The following TNIK variants were observed in gnomAD, a reference collection of about 807,000 sequenced individuals.
The protein encoded by TNIK is TRAF2 and NCK-interacting protein kinase.
A neutral mutation model predicts 191.3 loss-of-function variants in TNIK; 49 were observed. The ratio of observed to expected loss-of-function variants is 0.26; its 90% CI spans 0.20 to 0.32. TNIK has a LOEUF of 0.32. Among genes scored for constraint, TNIK ranks in the 10% least tolerant of loss-of-function variants. The probability of loss-of-function intolerance (pLI) is 1.00; values close to 1 mark genes in which losing one functional copy is unlikely to be tolerated. For missense variants in TNIK, 1,155 were observed against 1,702.3 expected, an observed-to-expected ratio of 0.68 and a Z score of 5.66; for synonymous variants, 594 against 600.9, an observed-to-expected ratio of 0.99 and a Z score of 0.17.
At chr3:171,414,873 ACT>A (rs527894874) in intron 1 of TNIK, among the ~76,000 whole-genome samples, 253 of 152,090 alleles carry the variant, frequency 1.7e-3, no homozygotes, top group African/African-American at 5.9e-3. Flanking sequence ...CTCAGTTGAA[ACT>A]CTGTTTTTAA....
intron 2 of TNIK, among the ~76,000 whole-genome samples, chr3:171,362,279 T>G (rs1715097163): frequency 6.6e-6 from 1 of 152,206 alleles, no homozygotes; most frequent in African/African-American, 2.4e-5. Flanking sequence ...TATCACCAAA[T>G]ACAATGTAAG....
chr3:171,429,068 C>T (rs1412351829), intron 1 of TNIK, among the ~76,000 whole-genome samples: 1 of 152,154 alleles, frequency 6.6e-6, no homozygotes, highest in Non-Finnish European at 1.5e-5. Context: ...CCACCTGTCT[C>T]CCAAGCTCCA....
intron 1 of TNIK, among the ~76,000 whole-genome samples, chr3:171,428,918 C>T (rs1367174743): frequency 6.6e-6 from 1 of 152,200 alleles, no homozygotes; most frequent in Non-Finnish European, 1.5e-5. Context: ...CCTGAAGCTA[C>T]ACTGCCAAGA....
intron 29 of TNIK, among the ~76,000 whole-genome samples, chr3:171,070,542 A>G (rs977547721): frequency 2.1e-4 from 32 of 152,130 alleles, no homozygotes; most frequent in African/African-American, 7.5e-4. Flanking sequence ...GCGGCTCTGA[A>G]CACATCTGGG....
intron 2 of TNIK, among the ~76,000 whole-genome samples, chr3:171,273,266 G>C (rs1407537951): frequency 1.3e-5 from 2 of 152,206 alleles, no homozygotes; most frequent in Non-Finnish European, 2.9e-5. Flanking sequence ...GGTGAGTCTG[G>C]AGGTTCAATC....
intron 7 of TNIK, among the ~76,000 whole-genome samples, chr3:171,182,184 T>C (rs1372249208): frequency 6.7e-6 from 1 of 148,424 alleles, no homozygotes; most frequent in African/African-American, 2.5e-5. Context: ...TTTTTTTTTT[T>C]TTTTTTTTTT....
At chr3:171,206,265 T>A (rs1239956499) in intron 4 of TNIK, among the ~76,000 whole-genome samples, 2 of 150,184 alleles carry the variant, frequency 1.3e-5, no homozygotes, top group African/African-American at 2.4e-5. Flanking sequence ...GATGATATGA[T>A]AATATATACA....
Position 171,108,078 on chromosome 3 carries a change from G to T in TNIK, c.2369C>A (p.Pro790His). ...KPEESRDITR[P>H]SRPASYKKAI... Reference sequence around the variant, plus strand: ...AAAAGCACTCACAGCTGGTCGACTGGGCCGGGTAATGTCCCTGGATTCTTC... The same window carrying T: ...AAAAGCACTCACAGCTGGTCGACTGTGCCGGGTAATGTCCCTGGATTCTTC... The change falls in exon 20 of 33, where the codon CCC becomes CAC. Residue 790 changes from proline to histidine, a missense_variant. Physicochemically the swap from Pro to His is moderately conservative, Grantham distance 77. Coordinates refer to ENST00000436636, the MANE Select transcript of TNIK (RefSeq NM_015028.4). 6.4e-7 allele frequency: 1 copy of T among 1,567,374 alleles called. No individual in the cohort carries two copies. Among genetic ancestry groups the T allele is most frequent in the African/African-American group, 1.4e-5 (1 of 74,056 alleles).
chr3:171,099,159 A>G (rs1723110430), intron 22 of TNIK, among the ~76,000 whole-genome samples: 1 of 152,082 alleles, frequency 6.6e-6, no homozygotes, highest in African/African-American at 2.4e-5. Context: ...CCCTTTTCAA[A>G]TCGTCTTGCT....
At chr3:171,381,799 T>G (rs938804675) in intron 1 of TNIK, among the ~76,000 whole-genome samples, 1 of 152,240 alleles carries the variant, frequency 6.6e-6, no homozygotes, top group Admixed American at 6.5e-5. Context: ...AGGGTTCTTC[T>G]GTCTTCCTCC....
At chr3:171,088,756 C>T (rs1222985336) in intron 23 of TNIK, among the ~76,000 whole-genome samples, 1 of 152,172 alleles carries the variant, frequency 6.6e-6, no homozygotes, top group Non-Finnish European at 1.5e-5. Flanking sequence ...AGCCAGTGCC[C>T]ACATTGTAGG....
chr3:171,175,168 G>T, intron 9 of TNIK, 84 bp downstream of exon 9: 2 of 1,272,352 alleles, frequency 1.6e-6, no homozygotes, highest in Non-Finnish European at 2.2e-6. Flanking sequence ...CTATCAGCAG[G>T]ACCTAGGGAT....
At chr3:171,329,011 G>A (rs1756115570) in intron 2 of TNIK, among the ~76,000 whole-genome samples, 1 of 152,140 alleles carries the variant, frequency 6.6e-6, no homozygotes, top group Non-Finnish European at 1.5e-5. Context: ...ACCTGCTCCT[G>A]CACTTTCCTT....
At chr3:171,134,896 G>A (rs541858932) in intron 15 of TNIK, among the ~76,000 whole-genome samples, 5 of 152,162 alleles carry the variant, frequency 3.3e-5, no homozygotes, top group Non-Finnish European at 7.3e-5. Context: ...AGATGGAAAA[G>A]TAAGCAAAGA....
intron 2 of TNIK, among the ~76,000 whole-genome samples, chr3:171,339,487 CT>C (rs1757302518): frequency 6.6e-6 from 1 of 152,214 alleles, no homozygotes. Flanking sequence ...TCCATGGAAG[CT>C]TTTCGTCATT....
At chr3:171,163,771 T>G (rs187421188) in intron 10 of TNIK, among the ~76,000 whole-genome samples, 9 of 152,314 alleles carry the variant, frequency 5.9e-5, no homozygotes, top group Non-Finnish European at 8.8e-5. Context: ...CTAGGGTAAA[T>G]CCTTCATTTG....
rs544635322 is a variant in TNIK at position 171,095,186 on chromosome 3, A to C, written c.2592-1218T>G. On this transcript the variant is annotated intron_variant, in intron 22 of 32. Coordinates refer to ENST00000436636, the MANE Select transcript of TNIK (RefSeq NM_015028.4). The stretch of plus-strand genomic sequence containing the variant: ...TAACAGGATCTCAGCATACTCCTTG[A>C]GAACACAGACTGATGTTTCCTGTGT... 6.7e-4 allele frequency among the ~76,000 whole-genome samples: 102 copies of C among 152,196 alleles called. 1 individual carries two copies. The highest frequency in any genetic ancestry group is 1.3e-3 in the Non-Finnish European group (88 of 68,032).
intron 2 of TNIK, among the ~76,000 whole-genome samples, chr3:171,306,350 C>T (rs188654352): frequency 2.0e-5 from 3 of 152,010 alleles, no homozygotes; most frequent in Admixed American, 6.6e-5. Context: ...TGCACGTGTA[C>T]CCCTGAAGCT....
chr3:171,258,854 C>T (rs1747223351), intron 2 of TNIK, among the ~76,000 whole-genome samples: 1 of 152,132 alleles, frequency 6.6e-6, no homozygotes, highest in Admixed American at 6.5e-5. Context: ...ATTATAATCC[C>T]AGTAACCAAT....
Sources: allele counts gnomAD v4.1 joint callset (sites outside exome capture counted in the v4.1 genomes callset), GRCh38; gene constraint gnomAD v4.1.1; transcripts MANE v1.5; gene names NCBI Gene and HGNC (gene_info 2026-07-23, HGNC 2026-07-21).